DNAH7: variants seen among roughly 807,000 people sequenced by gnomAD.
The protein encoded by DNAH7 is axonemal beta dynein heavy chain 7.
A neutral mutation model predicts 444.6 loss-of-function variants in DNAH7; 397 were observed. That is an observed-to-expected ratio of 0.89 (90% CI 0.82 to 0.97). The LOEUF (loss-of-function observed/expected upper bound fraction) is 0.97, where lower values mean the gene tolerates loss of function less well. Among genes scored for constraint, DNAH7 ranks in the 50% least tolerant of loss-of-function variants. The pLI is 0.00. For missense variants in DNAH7, 4,902 were observed against 4,800.8 expected, an observed-to-expected ratio of 1.02 and a Z score of -0.62; for synonymous variants, 1,636 against 1,624.4, an observed-to-expected ratio of 1.01 and a Z score of -0.17.
At chr2:195,786,761 T>C (rs1695644111) in intron 58 of DNAH7, among the ~76,000 whole-genome samples, 1 of 152,174 alleles carries the variant, frequency 6.6e-6, no homozygotes, top group Admixed American at 6.5e-5. Flanking sequence ...TGGATCTCCC[T>C]AAGTGTTTGT....
chr2:195,737,722 G>GTCTT lies in DNAH7; in HGVS notation c.*195_*198dup, dbSNP rs950698889. 1.4e-4 allele frequency: 50 copies of GTCTT among 346,294 alleles called. No individual in the cohort carries two copies. The highest frequency in any genetic ancestry group is 1.4e-3 in the Middle Eastern group (2 of 1,440). The allele number at this position is 346,294 out of a possible 1,614,324, so 21.5% of individuals were successfully genotyped here. A position where few individuals can be genotyped will look rare whatever the true frequency, so the allele number is the denominator to read the frequency against. The stretch of plus-strand genomic sequence containing the variant: ...CAAATATGCCAGTGTGTTTTCTTTA[G>GTCTT]TCTTTATTTCAGAACATTTCCTTAC... On this transcript the variant is annotated 3_prime_UTR_variant, in exon 65 of 65. Coordinates refer to ENST00000312428, the MANE Select transcript of DNAH7 (RefSeq NM_018897.3).
Position 195,936,702 on chromosome 2 carries a change from G to C in DNAH7, c.3169C>G (p.Leu1057Val). The C allele has an allele frequency of 6.3e-7, 1 of 1,598,874 alleles. No homozygotes were observed. Among genetic ancestry groups the C allele is most frequent in the Non-Finnish European group, 8.5e-7 (1 of 1,172,730 alleles). ...NELLELILKG[L>V]NEYLEKKRLF... is the part of the protein sequence containing the mutation. Reference sequence around the variant, plus strand: ...CGTTTCTTTTCCAAATATTCATTAAGTCCTTTAAGAATGAGCTCCAAAAGT... The same window carrying C: ...CGTTTCTTTTCCAAATATTCATTAACTCCTTTAAGAATGAGCTCCAAAAGT... The change falls in exon 20 of 65, where the codon CTT becomes GTT. Residue 1057 changes from leucine to valine, a missense_variant. Transcript: ENST00000312428.
intron 58 of DNAH7, among the ~76,000 whole-genome samples, chr2:195,779,602 G>A (rs1225989999): frequency 2.0e-5 from 3 of 151,006 alleles, no homozygotes; most frequent in South Asian, 4.2e-4. Context: ...TTAAAGTATT[G>A]TAGGGTTTTT....
intron 64 of DNAH7, among the ~76,000 whole-genome samples, chr2:195,739,490 A>G (rs1306477788): frequency 6.6e-6 from 1 of 152,254 alleles, no homozygotes; most frequent in African/African-American, 2.4e-5. Flanking sequence ...TGATGCAGTT[A>G]TAGATTGAAT....
At chr2:195,958,939 T>C (rs1049632658) in intron 18 of DNAH7, among the ~76,000 whole-genome samples, 6 of 152,130 alleles carry the variant, frequency 3.9e-5, no homozygotes, top group Non-Finnish European at 2.9e-5. Flanking sequence ...AGAGATAACA[T>C]AGTCATAAGG....
rs752001497 is a variant in DNAH7 at position 195,754,324 on chromosome 2, T to TC, written c.11764+12dup. ...CCCAGATATGAGCCGACTCATTCTGTCCCTGCACTTACCATCCTCAGGAGG... is the reference window on the plus strand; with the variant it reads ...CCCAGATATGAGCCGACTCATTCTGTCCCCTGCACTTACCATCCTCAGGAGG... On this transcript the variant is annotated intron_variant, in intron 63 of 64. Coordinates refer to ENST00000312428, the MANE Select transcript of DNAH7 (RefSeq NM_018897.3). 1 of 1,613,092 alleles carries TC rather than the reference T, an allele frequency of 6.2e-7. No individual in the cohort carries two copies. The highest frequency in any genetic ancestry group is 8.5e-7 in the Non-Finnish European group (1 of 1,179,342).
intron 51 of DNAH7, among the ~76,000 whole-genome samples, chr2:195,813,540 C>T (rs1697073953): frequency 6.6e-6 from 1 of 152,200 alleles, no homozygotes; most frequent in Non-Finnish European, 1.5e-5. Context: ...AAACTACCTC[C>T]TGTCATACAG....
intron 5 of DNAH7, among the ~76,000 whole-genome samples, chr2:196,035,450 T>A (rs1696324866): frequency 1.3e-5 from 2 of 152,252 alleles, no homozygotes; most frequent in Admixed American, 1.3e-4. Context: ...GAAAACTAAA[T>A]GAACAAAGGA....
At chr2:195,934,533 T>C (rs1466410059) in intron 21 of DNAH7, 58 bp downstream of exon 21, 1 of 1,513,280 alleles carries the variant, frequency 6.6e-7, no homozygotes, top group Non-Finnish European at 9.1e-7. Context: ...ACAGAATATT[T>C]CTAATAACAT....
intron 19 of DNAH7, among the ~76,000 whole-genome samples, chr2:195,946,043 A>G (rs967505593): frequency 5.3e-5 from 8 of 152,192 alleles, no homozygotes; most frequent in Non-Finnish European, 2.9e-5. Flanking sequence ...AGATCTGGTC[A>G]GTCACCCGGT....
intron 15 of DNAH7, among the ~76,000 whole-genome samples, chr2:195,983,075 AAT>A (rs1260567218): frequency 2.0e-5 from 3 of 152,206 alleles, no homozygotes; most frequent in Non-Finnish European, 2.9e-5. Context: ...CCTACATCAA[AAT>A]ATCTCATATT....
intron 60 of DNAH7, among the ~76,000 whole-genome samples, chr2:195,772,725 TTAAC>T (rs1270011298): frequency 6.6e-6 from 1 of 152,082 alleles, no homozygotes; most frequent in Non-Finnish European, 1.5e-5. Context: ...TCTGAAAATA[TTAAC>T]TTTTTTATTG....
intron 51 of DNAH7, among the ~76,000 whole-genome samples, chr2:195,813,956 C>A (rs1249991052): frequency 6.6e-6 from 1 of 152,168 alleles, no homozygotes; most frequent in African/African-American, 2.4e-5. Flanking sequence ...CACAAAAAAG[C>A]AGACACTGTG....
At chr2:195,968,323 G>A (rs985938021) in intron 17 of DNAH7, among the ~76,000 whole-genome samples, 5 of 152,076 alleles carry the variant, frequency 3.3e-5, no homozygotes, top group Non-Finnish European at 5.9e-5. Flanking sequence ...TAGTCAGCAG[G>A]TGATGAATCC....
intron 19 of DNAH7, among the ~76,000 whole-genome samples, chr2:195,946,477 A>G (rs981253606): frequency 1.3e-5 from 2 of 151,980 alleles, no homozygotes; most frequent in African/African-American, 4.8e-5. Context: ...TCACCTGTCT[A>G]CCCCGGATTA....
At chr2:195,930,408 C>T (rs1688613130) in intron 21 of DNAH7, among the ~76,000 whole-genome samples, 1 of 151,936 alleles carries the variant, frequency 6.6e-6, no homozygotes. Flanking sequence ...TACTAGTGAC[C>T]AAAAAACATA....
chr2:195,991,027 C>T (rs946266475), intron 12 of DNAH7, among the ~76,000 whole-genome samples: 6 of 147,442 alleles, frequency 4.1e-5, no homozygotes, highest in Non-Finnish European at 5.9e-5. Context: ...CTTTACCATA[C>T]GACATTTTTT....
intron 5 of DNAH7, among the ~76,000 whole-genome samples, chr2:196,032,608 A>G (rs1233488294): frequency 6.6e-6 from 1 of 152,258 alleles, no homozygotes; most frequent in Non-Finnish European, 1.5e-5. Context: ...ATCTGTATCA[A>G]GTACACTAAT....
intron 20 of DNAH7, among the ~76,000 whole-genome samples, chr2:195,936,331 G>A (rs1334086059): frequency 5.9e-5 from 9 of 152,072 alleles, no homozygotes; most frequent in Non-Finnish European, 1.5e-5. Context: ...CCAAGGTCGC[G>A]CCATTGCACT....
Sources: allele counts gnomAD v4.1 joint callset (sites outside exome capture counted in the v4.1 genomes callset), GRCh38; gene constraint gnomAD v4.1.1; transcripts MANE v1.5; gene names NCBI Gene and HGNC (gene_info 2026-07-23, HGNC 2026-07-21).